Variants in CATSPERE observed in about 807,000 individuals in gnomAD.
The protein encoded by CATSPERE is catsper channel auxiliary subunit epsilon.
In CATSPERE, 93 loss-of-function variants were observed where a neutral mutation model predicts 114.1. The ratio of observed to expected loss-of-function variants is 0.81; its 90% confidence interval spans 0.69 to 0.97. The LOEUF is 0.97. CATSPERE is among the 50% of genes least tolerant of loss of function. The probability of loss-of-function intolerance (pLI) is 0.00; values close to 1 mark genes in which losing one functional copy is unlikely to be tolerated. For synonymous variants in CATSPERE, 341 were observed against 384.1 expected (o/e 0.89, Z 1.31); for missense variants, 1,058 against 1,131.6 (o/e 0.93, Z 0.93).
intron 18 of CATSPERE, among the ~76,000 whole-genome samples, chr1:244,609,152 C>A (rs921982122): frequency 6.6e-6 from 1 of 152,012 alleles, no homozygotes. Flanking sequence ...TACCACTGCA[C>A]TCCAGCCTGG....
intron 7 of CATSPERE, among the ~76,000 whole-genome samples, chr1:244,512,864 C>T (rs4658643): frequency 0.028 from 4,225 of 152,262 alleles, 82 homozygotes; most frequent in Middle Eastern, 0.044. Flanking sequence ...AATGATGTCT[C>T]TGAGTTTTGC....
At chr1:244,455,473 G>T (rs1226188783) in intron 1 of CATSPERE, among the ~76,000 whole-genome samples, 1 of 151,416 alleles carries the variant, frequency 6.6e-6, no homozygotes, top group Non-Finnish European at 1.5e-5. Context: ...GCCGCTTGGC[G>T]TGGCTAAAGT....
At chr1:244,490,746 GCTGT>G (rs1460633028) in intron 6 of CATSPERE, among the ~76,000 whole-genome samples, 4 of 151,606 alleles carry the variant, frequency 2.6e-5, no homozygotes, top group Non-Finnish European at 5.9e-5. Context: ...TGATTATCCA[GCTGT>G]CTTTTATTAA....
At position 244,479,716 on chromosome 1, in the gene CATSPERE, G is replaced by C. The variant is rs778151486; in HGVS notation, c.259-1G>C. The C allele has an allele frequency of 1.3e-6, 2 of 1,586,820 alleles. No homozygotes were observed. Among genetic ancestry groups the C allele is most frequent in the African/African-American group, 1.3e-5 (1 of 74,148 alleles). ...ACAGTTTCTTTTGCATTTTCTTTTAGGATGAAGAAGAACGCTATTTATTTG... is the reference window on the plus strand; with the variant it reads ...ACAGTTTCTTTTGCATTTTCTTTTACGATGAAGAAGAACGCTATTTATTTG... On this transcript the variant is annotated splice_acceptor_variant, in intron 4 of 21. Coordinates refer to ENST00000366534, the MANE Select transcript of CATSPERE (RefSeq NM_001130957.2). LOFTEE classifies it high-confidence loss of function.
At chr1:244,474,761 A>T (rs1669028445) in intron 2 of CATSPERE, among the ~76,000 whole-genome samples, 1 of 129,714 alleles carries the variant, frequency 7.7e-6, no homozygotes, top group African/African-American at 3.0e-5. Context: ...TTTTGGAGAC[A>T]GGGTTTTGGT....
At chr1:244,480,698 T>G (rs1289313527) in intron 5 of CATSPERE, among the ~76,000 whole-genome samples, 1 of 152,242 alleles carries the variant, frequency 6.6e-6, no homozygotes, top group Non-Finnish European at 1.5e-5. Context: ...TTCTGCAGTT[T>G]ATGTGGAATT....
At chr1:244,512,169 C>T (rs1197666127) in intron 7 of CATSPERE, among the ~76,000 whole-genome samples, 6 of 152,190 alleles carry the variant, frequency 3.9e-5, no homozygotes, top group Non-Finnish European at 8.8e-5. Flanking sequence ...CTGGAGCTCT[C>T]AAAATTCAAA....
At chr1:244,451,928 CG>C (rs1290825007), upstream of CATSPERE, 1 of 1,172,802 alleles carries the variant, frequency 8.5e-7, no homozygotes, top group African/African-American at 1.6e-5. The surrounding 1 kb of genome is among the most constrained non-coding windows in gnomAD (Gnocchi z 6.6). Context: ...AGCCAGAGGC[CG>C]GCCCCGCCCC....
intron 7 of CATSPERE, among the ~76,000 whole-genome samples, chr1:244,513,671 G>A (rs1676126561): frequency 6.6e-6 from 1 of 152,150 alleles, no homozygotes; most frequent in South Asian, 2.1e-4. Context: ...TCCCCAGATA[G>A]CATGCTGGGG....
At chr1:244,556,554 G>A (rs1661606098) in intron 9 of CATSPERE, among the ~76,000 whole-genome samples, 1 of 152,004 alleles carries the variant, frequency 6.6e-6, no homozygotes, top group African/African-American at 2.4e-5. Flanking sequence ...TGGACTAAAA[G>A]TAAAACACTG....
At chr1:244,483,475 A>G (rs1291166162) in intron 5 of CATSPERE, among the ~76,000 whole-genome samples, 1 of 152,146 alleles carries the variant, frequency 6.6e-6, no homozygotes, top group African/African-American at 2.4e-5. Context: ...ATTTTGCTAT[A>G]TCCTCACCAA....
intron 9 of CATSPERE, among the ~76,000 whole-genome samples, chr1:244,559,188 A>G (rs1260549133): frequency 6.6e-6 from 1 of 152,196 alleles, no homozygotes; most frequent in African/African-American, 2.4e-5. Context: ...TCTCTCTGAC[A>G]AGAATGAGAA....
At chr1:244,586,284 A>G (rs1269498515) in intron 13 of CATSPERE, among the ~76,000 whole-genome samples, 1 of 152,164 alleles carries the variant, frequency 6.6e-6, no homozygotes, top group African/African-American at 2.4e-5. Flanking sequence ...ATGGTGCTTG[A>G]TCCTGAGGCT....
intron 8 of CATSPERE, among the ~76,000 whole-genome samples, chr1:244,521,309 A>G (rs1677509321): frequency 6.6e-6 from 1 of 152,192 alleles, no homozygotes; most frequent in South Asian, 2.1e-4. Flanking sequence ...AGCTATGATC[A>G]TGCCACTGTA....
chr1:244,472,234 T>G (rs1668592951), intron 2 of CATSPERE, among the ~76,000 whole-genome samples: 1 of 152,208 alleles, frequency 6.6e-6, no homozygotes, highest in Admixed American at 6.5e-5. Context: ...GTGCTAGGAT[T>G]ACAGGCATGA....
chr1:244,489,613 C>T (rs186010851), intron 5 of CATSPERE, among the ~76,000 whole-genome samples: 1 of 151,736 alleles, frequency 6.6e-6, no homozygotes. Flanking sequence ...AAACTATGTG[C>T]AGGAGTGATG....
At chr1:244,620,139 G>A (rs758302748) in intron 20 of CATSPERE, among the ~76,000 whole-genome samples, 5 of 152,256 alleles carry the variant, frequency 3.3e-5, no homozygotes, top group Admixed American at 6.5e-5. Context: ...TTGATTTCTC[G>A]TAAAAGGTGT....
rs530531743 is a variant in CATSPERE at position 244,504,419 on chromosome 1, G to A, written c.429+5340G>A. The stretch of plus-strand genomic sequence containing the variant: ...ATTAATATCTTCCTGTTGTATATTT[G>A]TCATAATTACTGAACCAATATTGTT... On this transcript the variant is annotated intron_variant, in intron 7 of 21. Coordinates refer to ENST00000366534, the MANE Select transcript of CATSPERE (RefSeq NM_001130957.2). The surrounding 1 kb of genome is among the most constrained non-coding windows in gnomAD (Gnocchi z 4.1). Among the ~76,000 whole-genome samples the A allele has an allele frequency of 2.0e-4, 31 of 152,146 alleles. No individual in the cohort carries two copies. The highest frequency in any genetic ancestry group is 3.2e-4 in the Non-Finnish European group (22 of 67,992).
intron 20 of CATSPERE, among the ~76,000 whole-genome samples, chr1:244,629,757 A>G (rs887129413): frequency 6.6e-6 from 1 of 152,070 alleles, no homozygotes; most frequent in Non-Finnish European, 1.5e-5. Context: ...CTTGTGCCTC[A>G]GCCTCCTGAG....
Sources: allele counts gnomAD v4.1 joint callset (sites outside exome capture counted in the v4.1 genomes callset), GRCh38; gene constraint gnomAD v4.1.1; non-coding constraint Gnocchi (gnomAD v3.1); transcripts MANE v1.5; gene names NCBI Gene and HGNC (gene_info 2026-07-23, HGNC 2026-07-21).